The following SLC35F4 variants were observed in gnomAD, a reference collection of about 807,000 sequenced individuals.
SLC35F4 encodes the protein chromosome 14 open reading frame 36.
SLC35F4 carries 24 observed loss-of-function variants against 44.2 expected under a neutral mutation model. The ratio of observed to expected loss-of-function variants is 0.54; its 90% CI spans 0.39 to 0.76. The LOEUF (loss-of-function observed/expected upper bound fraction) is 0.76, where lower values mean the gene tolerates loss of function less well. Ranked by LOEUF, SLC35F4 falls within the 30% of genes least tolerant of loss-of-function variation. The pLI, the probability that SLC35F4 is intolerant of heterozygous loss-of-function variation, is 0.00. For missense variants in SLC35F4, 562 were observed against 586.1 expected (o/e 0.96, Z 0.42); for synonymous variants, 238 against 223.6 (o/e 1.06, Z -0.57).
chr14:57,871,155 G>A (rs766535019), intron 1 of SLC35F4, among the ~76,000 whole-genome samples: 8 of 152,198 alleles, frequency 5.3e-5, no homozygotes, highest in Non-Finnish European at 1.2e-4. Context: ...AGCTTCAGCA[G>A]ATATTCTGGT....
At chr14:57,873,513 C>G (rs1361740634) in intron 1 of SLC35F4, among the ~76,000 whole-genome samples, 1 of 151,952 alleles carries the variant, frequency 6.6e-6, no homozygotes, top group East Asian at 1.9e-4. Flanking sequence ...ATGAAGACTA[C>G]AAAGTGATGA....
chr14:57,668,416 C>A (rs979397824), intron 1 of SLC35F4, among the ~76,000 whole-genome samples: 8 of 151,986 alleles, frequency 5.3e-5, no homozygotes, highest in African/African-American at 1.9e-4. Flanking sequence ...ATGCCTATGT[C>A]CTGAATGGTA....
intron 1 of SLC35F4, among the ~76,000 whole-genome samples, chr14:57,856,817 TAGAG>T (rs1179544158): frequency 6.6e-6 from 1 of 152,084 alleles, no homozygotes; most frequent in Admixed American, 6.5e-5. Context: ...TCACTAGTAA[TAGAG>T]AATTTCATAA....
intron 1 of SLC35F4, among the ~76,000 whole-genome samples, chr14:57,616,506 C>T (rs1241478451): frequency 1.3e-5 from 2 of 152,160 alleles, no homozygotes; most frequent in Non-Finnish European, 2.9e-5. Flanking sequence ...CAGTGAAAAA[C>T]ACTGAGAATT....
intron 1 of SLC35F4, among the ~76,000 whole-genome samples, chr14:57,884,634 C>A (rs1888609969): frequency 6.6e-6 from 1 of 152,120 alleles, no homozygotes; most frequent in Non-Finnish European, 1.5e-5. Context: ...TGAAGCAGGT[C>A]TAAGTATCCA....
intron 1 of SLC35F4, among the ~76,000 whole-genome samples, chr14:57,644,533 G>C (rs1594684618): frequency 6.6e-6 from 1 of 151,808 alleles, no homozygotes; most frequent in Non-Finnish European, 1.5e-5. Flanking sequence ...CAGATGAGTA[G>C]GTTGCGAAAA....
chr14:57,629,855 A>G, intron 1 of SLC35F4: 2 of 343,438 alleles, frequency 5.8e-6, no homozygotes, highest in South Asian at 4.8e-5. Flanking sequence ...AGATGCAGAC[A>G]GTTTGCTGAG....
chr14:57,840,394 G>C (rs367743769), intron 1 of SLC35F4, among the ~76,000 whole-genome samples: 1 of 152,156 alleles, frequency 6.6e-6, no homozygotes, highest in African/African-American at 2.4e-5. Flanking sequence ...ATTTGTCATA[G>C]AGACTATACC....
At chr14:57,865,021 G>A (rs913984169) in intron 1 of SLC35F4, among the ~76,000 whole-genome samples, 95 of 151,908 alleles carry the variant, frequency 6.3e-4, no homozygotes, top group Non-Finnish European at 1.0e-3. Flanking sequence ...CGCGACGTGC[G>A]GCGGGGGCGG....
At chr14:57,635,594 T>C (rs1339816430) in intron 1 of SLC35F4, among the ~76,000 whole-genome samples, 1 of 151,934 alleles carries the variant, frequency 6.6e-6, no homozygotes, top group African/African-American at 2.4e-5. Flanking sequence ...AGCACTGAGC[T>C]CCAAGGCCAC....
chr14:57,586,158 C>T (rs900940685), intron 3 of SLC35F4, among the ~76,000 whole-genome samples: 19 of 152,104 alleles, frequency 1.2e-4, no homozygotes, highest in Admixed American at 4.6e-4. Flanking sequence ...GAACAGAGGC[C>T]TCAGAAATAA....
chr14:57,795,762 T>A (rs1272150952), intron 1 of SLC35F4, among the ~76,000 whole-genome samples: 2 of 152,202 alleles, frequency 1.3e-5, no homozygotes, highest in African/African-American at 4.8e-5. Flanking sequence ...TACGAATAAT[T>A]TAAAAATTAA....
intron 1 of SLC35F4, among the ~76,000 whole-genome samples, chr14:57,922,246 A>G (rs1889457694): frequency 6.6e-6 from 1 of 152,176 alleles, no homozygotes; most frequent in Non-Finnish European, 1.5e-5. Context: ...AGGTTATTAA[A>G]AATGCAGGTG....
intron 1 of SLC35F4, among the ~76,000 whole-genome samples, chr14:57,960,576 T>C (rs1306300066): frequency 6.6e-6 from 1 of 152,136 alleles, no homozygotes. Context: ...ACAAACATAA[T>C]CAATAGGCCT....
At chr14:57,911,659 C>A (rs548154853) in intron 1 of SLC35F4, among the ~76,000 whole-genome samples, 1 of 151,914 alleles carries the variant, frequency 6.6e-6, no homozygotes, top group Non-Finnish European at 1.5e-5. Flanking sequence ...GCGTATAATT[C>A]TTTTTATACA....
intron 1 of SLC35F4, among the ~76,000 whole-genome samples, chr14:57,594,505 A>C (rs1378793432): frequency 2.6e-5 from 4 of 152,218 alleles, no homozygotes; most frequent in African/African-American, 7.2e-5. Flanking sequence ...TCATAAAAAG[A>C]AAATGTTATG....
intron 1 of SLC35F4, among the ~76,000 whole-genome samples, chr14:57,821,055 C>T (rs955169611): frequency 1.3e-5 from 2 of 152,218 alleles, no homozygotes; most frequent in African/African-American, 4.8e-5. Context: ...ACTTGTAAGA[C>T]AATTCACTCA....
Position 57,765,452 on chromosome 14 carries a change from G to A in SLC35F4, c.103+100271C>T, listed in dbSNP as rs17093670. 2.3e-3 allele frequency among the ~76,000 whole-genome samples: 352 copies of A among 152,310 alleles called. 6 individuals carry two copies. In the East Asian group the frequency reaches 0.06, roughly 26 times the overall value. On this transcript the variant is annotated intron_variant, in intron 1 of 7. Coordinates refer to ENST00000556826, the MANE Select transcript of SLC35F4 (RefSeq NM_001306087.2). The stretch of plus-strand genomic sequence containing the variant: ...AGCCCATTCTGCATTGAGAACCACA[G>A]ACACGAGCATTTTAAAAACCAATAA...
intron 1 of SLC35F4, among the ~76,000 whole-genome samples, chr14:57,848,051 G>C (rs150765624): frequency 6.6e-6 from 1 of 152,322 alleles, no homozygotes; most frequent in Admixed American, 6.5e-5. Context: ...CCAGAAAGTA[G>C]TAAATGACTT....
Sources: allele counts gnomAD v4.1 joint callset (sites outside exome capture counted in the v4.1 genomes callset), GRCh38; gene constraint gnomAD v4.1.1; transcripts MANE v1.5; gene names NCBI Gene and HGNC (gene_info 2026-07-23, HGNC 2026-07-21).